Variants in KCNC2 observed in about 807,000 individuals in gnomAD.
The protein encoded by KCNC2 is potassium voltage-gated channel subfamily C member 2.
Under a neutral mutation model 44.5 loss-of-function variants are expected in KCNC2, and 21 were observed. The ratio of observed to expected loss-of-function variants is 0.47; its 90% CI spans 0.33 to 0.68. The LOEUF (loss-of-function observed/expected upper bound fraction) is 0.68. KCNC2 is among the 30% of genes least tolerant of loss of function. The pLI is 0.01. For synonymous variants in KCNC2, 391 were observed against 339.1 expected (o/e 1.15, Z -1.68); for missense variants, 589 against 826.2 (o/e 0.71, Z 3.52).
rs545065823 is a variant in KCNC2, at chr12:75,156,394, T to A, written c.687+50903A>T. On this transcript the variant is annotated intron_variant, in intron 2 of 4. Transcript: ENST00000549446. Reference sequence around the variant, plus strand: ...TTCAGTGCCCATAAATAAAGTTTTATTGGTTTGCAGTCACGCTCATTCTTT... The same window carrying A: ...TTCAGTGCCCATAAATAAAGTTTTAATGGTTTGCAGTCACGCTCATTCTTT... Among the ~76,000 whole-genome samples the A allele has an allele frequency of 3.3e-5, 5 of 151,816 alleles. No homozygotes were observed. In the South Asian group the frequency reaches 1.0e-3, roughly 31 times the overall value.
chr12:75,061,610 C>A (rs10785171), intron 2 of KCNC2, among the ~76,000 whole-genome samples: 1 of 136,496 alleles, frequency 7.3e-6, no homozygotes, highest in Non-Finnish European at 1.7e-5. Context: ...CACACACACA[C>A]ACAAAACACA....
rs751849483 is a variant in KCNC2, at chr12:75,071,937, C to CAAAAAAAAAAAAAAAAAA, written c.688-20638_688-20621dup. 3.0e-5 allele frequency among the ~76,000 whole-genome samples: 2 copies of CAAAAAAAAAAAAAAAAAA among 67,366 alleles called. 1 individual carries two copies. Among genetic ancestry groups the CAAAAAAAAAAAAAAAAAA allele is most frequent in the African/African-American group, 1.6e-4 (2 of 12,378 alleles). 44.2% of individuals were successfully genotyped at this position (67,366 alleles called of 152,430 possible). A position where few individuals can be genotyped will look rare whatever the true frequency, so the allele number is the denominator to read the frequency against. ...TGGGCGACAGAGCGAGACTCCTTCTCAAAAAAAAAAAAAAAAAAAAAAAAA... is the reference window on the plus strand; with the variant it reads ...TGGGCGACAGAGCGAGACTCCTTCTCAAAAAAAAAAAAAAAAAAAAAAAAAAAAAAAAAAAAAAAAAAA... On this transcript the variant is annotated intron_variant, in intron 2 of 4. Transcript: ENST00000549446.
intron 2 of KCNC2, among the ~76,000 whole-genome samples, chr12:75,173,666 G>T (rs1891985189): frequency 6.6e-6 from 1 of 151,646 alleles, no homozygotes; most frequent in Non-Finnish European, 1.5e-5. Flanking sequence ...TCTAAATTAG[G>T]ATTTAGAGGG....
chr12:75,131,573 G>C (rs1888847359), intron 2 of KCNC2, among the ~76,000 whole-genome samples: 1 of 152,134 alleles, frequency 6.6e-6, no homozygotes, highest in African/African-American at 2.4e-5. Flanking sequence ...CCTAAATGCA[G>C]AGCATTTTCT....
At chr12:75,196,044 C>G (rs1427027255) in intron 2 of KCNC2, among the ~76,000 whole-genome samples, 1 of 152,074 alleles carries the variant, frequency 6.6e-6, no homozygotes, top group Non-Finnish European at 1.5e-5. Flanking sequence ...CCTCTTCATC[C>G]TGTGGTACCA....
At chr12:75,141,803 T>C (rs898411421) in intron 2 of KCNC2, among the ~76,000 whole-genome samples, 5 of 152,044 alleles carry the variant, frequency 3.3e-5, no homozygotes, top group African/African-American at 1.2e-4. Context: ...GAGTAAAAAA[T>C]TTTACATGCT....
chr12:75,185,985 G>T (rs1458029836), intron 2 of KCNC2, among the ~76,000 whole-genome samples: 1 of 151,782 alleles, frequency 6.6e-6, no homozygotes, highest in East Asian at 1.9e-4. Context: ...GGTGGAGGTT[G>T]CAGTGAGCCA....
intron 2 of KCNC2, among the ~76,000 whole-genome samples, chr12:75,052,440 A>G (rs1387206191): frequency 6.6e-6 from 1 of 152,254 alleles, no homozygotes; most frequent in East Asian, 1.9e-4. Context: ...CTTGAAATCC[A>G]GCTGTTTGAA....
At chr12:75,057,677 C>T (rs550231210) in intron 2 of KCNC2, among the ~76,000 whole-genome samples, 12 of 151,342 alleles carry the variant, frequency 7.9e-5, no homozygotes, top group Non-Finnish European at 1.3e-4. Flanking sequence ...TATCTATATC[C>T]ACATAAAGTG....
chr12:75,179,265 AT>A (rs1421335411), intron 2 of KCNC2, among the ~76,000 whole-genome samples: 1 of 151,758 alleles, frequency 6.6e-6, no homozygotes, highest in Non-Finnish European at 1.5e-5. Context: ...AGAGGGCGAA[AT>A]TTTTTTTAAC....
At chr12:75,167,782 A>C (rs1395353644) in intron 2 of KCNC2, among the ~76,000 whole-genome samples, 2 of 150,798 alleles carry the variant, frequency 1.3e-5, no homozygotes, top group African/African-American at 4.9e-5. Context: ...TATTATTTGC[A>C]TTTTTTTTCT....
chr12:75,205,942 T>C (rs1287971167), intron 2 of KCNC2, among the ~76,000 whole-genome samples: 1 of 151,898 alleles, frequency 6.6e-6, no homozygotes, highest in East Asian at 1.9e-4. Flanking sequence ...TAATTCTATG[T>C]TCAAATATGT....
At chr12:75,111,111 A>G (rs1201783612) in intron 2 of KCNC2, among the ~76,000 whole-genome samples, 1 of 152,156 alleles carries the variant, frequency 6.6e-6, no homozygotes, top group Non-Finnish European at 1.5e-5. Flanking sequence ...AATTTTTCAC[A>G]CAATGCTGGT....
chr12:75,156,266 T>C (rs1283848758), intron 2 of KCNC2, among the ~76,000 whole-genome samples: 1 of 151,566 alleles, frequency 6.6e-6, no homozygotes, highest in Non-Finnish European at 1.5e-5. Flanking sequence ...TTTTGTACAA[T>C]TTGTAGATAA....
At chr12:75,154,914 A>C (rs551462352) in intron 2 of KCNC2, among the ~76,000 whole-genome samples, 13 of 152,042 alleles carry the variant, frequency 8.6e-5, no homozygotes, top group East Asian at 1.9e-4. Context: ...ATTTTGAAAA[A>C]CTAATTTTTT....
At chr12:75,056,815 T>G (rs532165767) in intron 2 of KCNC2, among the ~76,000 whole-genome samples, 19 of 152,028 alleles carry the variant, frequency 1.2e-4, no homozygotes, top group Non-Finnish European at 2.5e-4. Context: ...AACATGTACT[T>G]ACATGGAATG....
chr12:75,057,298 G>A (rs955286025), intron 2 of KCNC2, among the ~76,000 whole-genome samples: 1 of 151,814 alleles, frequency 6.6e-6, no homozygotes, highest in Non-Finnish European at 1.5e-5. Flanking sequence ...TAACGAGTTT[G>A]TTGTTCATAG....
intron 2 of KCNC2, among the ~76,000 whole-genome samples, chr12:75,058,831 T>C (rs1413009996): frequency 6.6e-6 from 1 of 152,062 alleles, no homozygotes; most frequent in Non-Finnish European, 1.5e-5. Context: ...CATCCAGCTA[T>C]GGGAGCTAGA....
intron 2 of KCNC2, among the ~76,000 whole-genome samples, chr12:75,132,021 A>G (rs1565879962): frequency 6.6e-6 from 1 of 152,206 alleles, no homozygotes; most frequent in Non-Finnish European, 1.5e-5. Context: ...CTTGTCTCTA[A>G]AATCAGAAAA....
Sources: gnomAD v4.1 joint callset for allele counts (sites outside exome capture counted in the v4.1 genomes callset) on GRCh38, gnomAD v4.1.1 for gene constraint, MANE v1.5 for transcripts, NCBI Gene and HGNC (gene_info 2026-07-23, HGNC 2026-07-21) for gene names.